The following COBLL1 variants were observed in gnomAD, a reference collection of about 807,000 sequenced individuals.
COBLL1 encodes the protein cordon-bleu protein-like 1.
Under a neutral mutation model 94.8 loss-of-function variants are expected in COBLL1, and 50 were observed. That is an observed-to-expected ratio of 0.53 (90% CI 0.42 to 0.67). The LOEUF (loss-of-function observed/expected upper bound fraction) is 0.67, where lower values mean the gene tolerates loss of function less well. Ranked by LOEUF, COBLL1 falls within the 30% of genes least tolerant of loss-of-function variation. The pLI, the probability that COBLL1 is intolerant of heterozygous loss-of-function variation, is 0.00. For synonymous variants in COBLL1, 448 were observed against 473.8 expected (o/e 0.95, Z 0.71); for missense variants, 1,362 against 1,348.7 (o/e 1.01, Z -0.15).
chr2:164,687,567 A>C lies in COBLL1; in HGVS notation c.3301-1535T>G, dbSNP rs143311265. On this transcript the variant is annotated intron_variant, in intron 13 of 13. Transcript: ENST00000652658. ...TGACCACAGTGCCCTGGGGTTTTCC[A>C]AAGGCACCTCGCATGCCTGTTTGAA... The C allele has an allele frequency of 2.0e-5, 24 of 1,217,702 alleles. No individual in the cohort carries two copies. The Admixed American group carries it at 2.2e-4, about 11-fold the overall frequency. The allele number at this position is 1,217,702 out of a possible 1,614,324, so 75.4% of individuals were successfully genotyped here. A position where few individuals can be genotyped will look rare whatever the true frequency, so the allele number is the denominator to read the frequency against.
In COBLL1 at chr2:164,730,845, A is replaced by G. The variant is rs115548778; in HGVS notation, c.231-730T>C. Among the ~76,000 whole-genome samples the G allele has an allele frequency of 3.2e-3, 485 of 152,332 alleles. 1 individual carries two copies. Among genetic ancestry groups the G allele is most frequent in the African/African-American group, 0.011 (473 of 41,576 alleles). ...ACCACCACCACTTTTTGGCTTTAGA[A>G]AACAGACTGTAAATATCTGCATAGG... On this transcript the variant is annotated intron_variant, in intron 3 of 13. Coordinates refer to ENST00000652658, the MANE Select transcript of COBLL1 (RefSeq NM_001365672.2).
rs1356212572 is a variant in COBLL1, at chr2:164,682,084, G to A, written c.*3862C>T. The A allele has an allele frequency of 6.6e-6, 1 of 152,162 alleles. No homozygotes were observed. The highest frequency in any genetic ancestry group is 1.5e-5 in the Non-Finnish European group (1 of 68,026). The allele number at this position is 152,162 out of a possible 1,614,324, so 9.4% of individuals were successfully genotyped here. On this transcript the variant is annotated 3_prime_UTR_variant, in exon 14 of 14. Coordinates refer to ENST00000652658, the MANE Select transcript of COBLL1 (RefSeq NM_001365672.2). ...ATCATTTGCTACATTTAGTCATGGG[G>A]AAGAACAAATTAGTAATTGGATGTG...
intron 11 of COBLL1, chr2:164,697,078 G>C (rs915100177): frequency 2.0e-5 from 3 of 151,960 alleles, no homozygotes; most frequent in African/African-American, 7.3e-5. Context: ...AAAGAAAAAA[G>C]ATATGCATGC....
intron 4 of COBLL1, 144 bp downstream of exon 4, chr2:164,729,770 A>G: frequency 1.4e-6 from 1 of 698,026 alleles, no homozygotes; most frequent in Non-Finnish European, 2.4e-6. Context: ...TCAATAGCCA[A>G]CTGAATCCTA....
intron 5 of COBLL1, 37 bp downstream of exon 5, chr2:164,727,932 C>T (rs776104129): frequency 3.7e-6 from 5 of 1,358,154 alleles, no homozygotes; most frequent in Middle Eastern, 1.9e-4. Context: ...CAAATATACA[C>T]ATCCCACTAA....
chr2:164,822,729 ATATTATATTATTAT>A lies in COBLL1; in HGVS notation c.41+18413_41+18426del, dbSNP rs1172938910. On this transcript the variant is annotated intron_variant, in intron 2 of 13. Transcript: ENST00000652658. Reference sequence around the variant, plus strand: ...GTCATGTAAGCTCTCTGAAAAGATTATATTATATTATTATTATTATTATTATTATTATTATTATT... The same window carrying A: ...GTCATGTAAGCTCTCTGAAAAGATTATATTATTATTATTATTATTATTATT... 8.7e-5 allele frequency among the ~76,000 whole-genome samples: 6 copies of A among 69,318 alleles called. 1 individual carries two copies. The highest frequency in any genetic ancestry group is 4.0e-4 in the African/African-American group (6 of 15,064). 45.5% of individuals were successfully genotyped at this position (69,318 alleles called of 152,430 possible).
intron 2 of COBLL1, among the ~76,000 whole-genome samples, chr2:164,770,143 A>T (rs761901775): frequency 2.0e-5 from 3 of 152,196 alleles, no homozygotes; most frequent in Non-Finnish European, 4.4e-5. Flanking sequence ...GTCCTCAGTT[A>T]GTAAACTGCA....
At position 164,705,098 on chromosome 2, in the gene COBLL1, C is replaced by T. The variant is rs1439696913; in HGVS notation, c.1004G>A (p.Cys335Tyr). ...MSVDETDKSPCEAGRVRAGSL... is the reference protein window; with the variant it reads ...MSVDETDKSPYEAGRVRAGSL... ...ACCTGCCCTCACTCTTCCTGCTTCA[C>T]AGGGACTCTGGAAAACAAAATGACC... The change falls in exon 8 of 14, where the codon TGT becomes TAT. Residue 335 changes from cysteine (C) to tyrosine (Y), a missense_variant. Physicochemically the swap from Cys to Tyr is radical, Grantham distance 194 (BLOSUM62 -2). Coordinates refer to ENST00000652658, the MANE Select transcript of COBLL1 (RefSeq NM_001365672.2). 1.3e-6 allele frequency: 2 copies of T among 1,522,470 alleles called. No homozygotes were observed. Among genetic ancestry groups the T allele is most frequent in the Non-Finnish European group, 1.8e-6 (2 of 1,137,876 alleles). The allele number at this position is 1,522,470 out of a possible 1,614,324, so 94.3% of individuals were successfully genotyped here.
intron 2 of COBLL1, among the ~76,000 whole-genome samples, chr2:164,800,962 C>T (rs1400122977): frequency 6.6e-6 from 1 of 152,068 alleles, no homozygotes; most frequent in Non-Finnish European, 1.5e-5. Context: ...AGTCTATGTC[C>T]TGATAGTGGT....
chr2:164,817,187 G>A (rs1370011929), intron 2 of COBLL1, among the ~76,000 whole-genome samples: 1 of 152,080 alleles, frequency 6.6e-6, no homozygotes, highest in East Asian at 1.9e-4. Flanking sequence ...TGGTGGAAGA[G>A]GCTTTGTCTG....
chr2:164,687,552 GC>G (rs1683364947), intron 13 of COBLL1: 4 of 1,264,990 alleles, frequency 3.2e-6, no homozygotes, highest in Admixed American at 1.7e-5. Context: ...TGACCACAGT[GC>G]CCTGGGGTTT....
At chr2:164,794,378 G>A (rs1683333165) in intron 2 of COBLL1, among the ~76,000 whole-genome samples, 1 of 152,120 alleles carries the variant, frequency 6.6e-6, no homozygotes, top group Non-Finnish European at 1.5e-5. Flanking sequence ...AGTTTGGGAG[G>A]TATGTTACAC....
At chr2:164,824,588 T>G (rs922978139) in intron 2 of COBLL1, among the ~76,000 whole-genome samples, 2 of 152,162 alleles carry the variant, frequency 1.3e-5, no homozygotes, top group Non-Finnish European at 2.9e-5. Flanking sequence ...GAAAACAGTT[T>G]AACAGTTTTA....
At chr2:164,721,626 G>A (rs959351095) in intron 7 of COBLL1, among the ~76,000 whole-genome samples, 3 of 152,122 alleles carry the variant, frequency 2.0e-5, no homozygotes, top group Admixed American at 2.0e-4. Flanking sequence ...CTATTCCCTG[G>A]AGAATCTGAG....
chr2:164,841,966 T>C, upstream of COBLL1: 2 of 1,538,644 alleles, frequency 1.3e-6, no homozygotes, highest in Non-Finnish European at 1.7e-6. This position sits in a 1 kb window ranked among gnomAD's most constrained non-coding sequence, Gnocchi z 5.5. Flanking sequence ...CCCTGCCCCA[T>C]TTCCCTGCCC....
intron 2 of COBLL1, chr2:164,779,659 C>T (rs891787170): frequency 1.3e-5 from 6 of 470,768 alleles, no homozygotes; most frequent in Admixed American, 2.4e-5. Flanking sequence ...GGTCACCTTA[C>T]GGCAGGGATA....
intron 2 of COBLL1, among the ~76,000 whole-genome samples, chr2:164,754,657 C>T (rs547870087): frequency 8.5e-5 from 13 of 152,326 alleles, no homozygotes; most frequent in African/African-American, 2.2e-4. Context: ...TTGACGTACT[C>T]GCTGTTCTAA....
intron 2 of COBLL1, among the ~76,000 whole-genome samples, chr2:164,825,078 T>C (rs575065366): frequency 6.6e-6 from 1 of 152,308 alleles, no homozygotes; most frequent in East Asian, 1.9e-4. Flanking sequence ...CTACATCTAC[T>C]GGATGTGGGT....
chr2:164,695,682 A>T lies in COBLL1; in HGVS notation c.1710T>A (p.Thr570=). 1.2e-6 allele frequency: 2 copies of T among 1,613,858 alleles called. No homozygotes were observed. Among genetic ancestry groups the T allele is most frequent in the Non-Finnish European group, 1.7e-6 (2 of 1,179,864 alleles). The change falls in exon 12 of 14, where the codon ACT becomes ACA. Residue 570 remains threonine, a synonymous_variant. Transcript: ENST00000652658. ...ERPSNSEAHE[T]DTAISYKENH... ...TTTCCTTGTAACTTATAGCAGTATC[A>T]GTTTCATGTGCCTCAGAGTTTGATG...
Sources: allele counts gnomAD v4.1 joint callset (sites outside exome capture counted in the v4.1 genomes callset), GRCh38; gene constraint gnomAD v4.1.1; non-coding constraint Gnocchi (gnomAD v3.1); transcripts MANE v1.5; gene names NCBI Gene and HGNC (gene_info 2026-07-23, HGNC 2026-07-21).